The following WWOX variants were observed in gnomAD, a reference collection of about 807,000 sequenced individuals.
The protein encoded by WWOX is WW domain-containing oxidoreductase.
A neutral mutation model predicts 46.2 loss-of-function variants in WWOX; 69 were observed. The ratio of observed to expected loss-of-function variants is 1.49; its 90% CI spans 1.23 to 1.82. WWOX has a LOEUF of 1.82. Ranked by LOEUF, WWOX falls within the 40% of genes most tolerant of loss-of-function variation. The pLI, the probability that WWOX is intolerant of heterozygous loss-of-function variation, is 0.00. For synonymous variants in WWOX, 359 were observed against 202.6 expected, an observed-to-expected ratio of 1.77 and a Z score of -6.56; for missense variants, 919 against 542.6, an observed-to-expected ratio of 1.69 and a Z score of -6.89.
intron 6 of WWOX, among the ~76,000 whole-genome samples, chr16:78,393,163 G>T (rs762663810): frequency 3.9e-5 from 6 of 152,110 alleles, no homozygotes; most frequent in Non-Finnish European, 5.9e-5. Flanking sequence ...GAAGAGCTGG[G>T]ACCCTTTCTA....
At chr16:78,742,807 G>C (rs2049261312) in intron 8 of WWOX, among the ~76,000 whole-genome samples, 1 of 152,276 alleles carries the variant, frequency 6.6e-6, no homozygotes, top group Middle Eastern at 3.4e-3. Context: ...AAACTTTGCG[G>C]GAATTCACTT....
At chr16:78,599,796 T>G (rs2045578043) in intron 8 of WWOX, among the ~76,000 whole-genome samples, 1 of 152,080 alleles carries the variant, frequency 6.6e-6, no homozygotes, top group African/African-American at 2.4e-5. Flanking sequence ...GTCTCTGCAC[T>G]CTGGGTCTTG....
chr16:78,610,900 A>G (rs190436955), intron 8 of WWOX, among the ~76,000 whole-genome samples: 9 of 152,280 alleles, frequency 5.9e-5, no homozygotes, highest in Middle Eastern at 3.4e-3. Context: ...CAGGAAGCCT[A>G]CAATTTCTCA....
intron 8 of WWOX, among the ~76,000 whole-genome samples, chr16:78,995,118 T>C (rs1431716562): frequency 1.3e-5 from 2 of 152,104 alleles, no homozygotes; most frequent in Non-Finnish European, 2.9e-5. Flanking sequence ...ACAGTTTGTC[T>C]TGGCTCTGAT....
intron 8 of WWOX, among the ~76,000 whole-genome samples, chr16:79,031,227 A>G (rs149867441): frequency 0.014 from 2,185 of 152,232 alleles, 25 homozygotes; most frequent in South Asian, 0.05. Flanking sequence ...TGAGTGTCCC[A>G]TCTGGGTTTC....
Position 78,334,568 on chromosome 16 carries a change from C to T in WWOX, c.517-52292C>T, listed in dbSNP as rs112308197. Among the ~76,000 whole-genome samples the T allele has an allele frequency of 4.8e-3, 729 of 152,142 alleles. 4 individuals carry two copies. Among genetic ancestry groups the T allele is most frequent in the Non-Finnish European group, 8.2e-3 (555 of 68,010 alleles). Reference sequence around the variant, plus strand: ...AGCCATCATTCTGTTCAATTATTTTCACATTTGTGTAATCAAGATATTCCC... The same window carrying T: ...AGCCATCATTCTGTTCAATTATTTTTACATTTGTGTAATCAAGATATTCCC... On this transcript the variant is annotated intron_variant, in intron 5 of 8. Coordinates refer to ENST00000566780, the MANE Select transcript of WWOX (RefSeq NM_016373.4).
At chr16:78,372,830 AT>A (rs1234131228) in intron 5 of WWOX, among the ~76,000 whole-genome samples, 1 of 151,968 alleles carries the variant, frequency 6.6e-6, no homozygotes, top group African/African-American at 2.4e-5. Context: ...AAGTTGCTTT[AT>A]TTTTCTAATT....
At chr16:78,611,387 C>T (rs921882340) in intron 8 of WWOX, among the ~76,000 whole-genome samples, 2 of 152,180 alleles carry the variant, frequency 1.3e-5, no homozygotes, top group Admixed American at 6.5e-5. Flanking sequence ...AAGGAGATTA[C>T]TTGGTTTGAA....
chr16:78,616,365 A>G (rs559363775), intron 8 of WWOX, among the ~76,000 whole-genome samples: 1 of 152,278 alleles, frequency 6.6e-6, no homozygotes, highest in Admixed American at 6.5e-5. Flanking sequence ...AGAGGAAGGC[A>G]CTGGCAGATT....
chr16:78,969,178 G>A (rs9925637), intron 8 of WWOX, among the ~76,000 whole-genome samples: 8,629 of 151,918 alleles, frequency 0.057, 274 homozygotes, highest in Non-Finnish European at 0.071. Flanking sequence ...ACTGAATTCA[G>A]TCACAAACCC....
intron 6 of WWOX, among the ~76,000 whole-genome samples, chr16:78,406,552 T>C (rs1299083939): frequency 1.3e-5 from 2 of 150,668 alleles, no homozygotes; most frequent in Non-Finnish European, 3.0e-5. Context: ...GGTTTCACCA[T>C]GTTGGCGAGG....
At chr16:78,811,655 G>A (rs1335048369) in intron 8 of WWOX, among the ~76,000 whole-genome samples, 1 of 152,078 alleles carries the variant, frequency 6.6e-6, no homozygotes, top group Non-Finnish European at 1.5e-5. Flanking sequence ...ACAGGCATGA[G>A]CCATCATGCC....
At chr16:78,138,629 AT>A (rs2033880827) in intron 4 of WWOX, among the ~76,000 whole-genome samples, 1 of 152,178 alleles carries the variant, frequency 6.6e-6, no homozygotes, top group African/African-American at 2.4e-5. Context: ...TAAATTCCTT[AT>A]TTTTCCTTTC....
chr16:78,178,288 T>C (rs1219558318), intron 5 of WWOX, among the ~76,000 whole-genome samples: 1 of 152,192 alleles, frequency 6.6e-6, no homozygotes, highest in Non-Finnish European at 1.5e-5. Context: ...TTTTCCTGTT[T>C]AAGTTGTTGC....
intron 8 of WWOX, among the ~76,000 whole-genome samples, chr16:78,787,716 A>G (rs1356508773): frequency 6.6e-6 from 1 of 152,144 alleles, no homozygotes; most frequent in African/African-American, 2.4e-5. Context: ...TGGCAATTTT[A>G]TATTTAACTT....
chr16:78,387,045 T>A (rs1356057765), intron 6 of WWOX, 97 bp downstream of exon 6: 1 of 1,280,316 alleles, frequency 7.8e-7, no homozygotes, highest in East Asian at 2.3e-5. Flanking sequence ...GCTGTTGTGT[T>A]GTCTTGGCGT....
At chr16:79,095,825 C>T (rs2049056364) in intron 8 of WWOX, among the ~76,000 whole-genome samples, 1 of 151,294 alleles carries the variant, frequency 6.6e-6, no homozygotes, top group Non-Finnish European at 1.5e-5. Context: ...TTGCCCTCGC[C>T]TCCCGCCTGG....
chr16:78,321,372 GTATATA>G (rs71137885), intron 5 of WWOX, among the ~76,000 whole-genome samples: 1 of 43,560 alleles, frequency 2.3e-5, no homozygotes, highest in African/African-American at 1.2e-4. Flanking sequence ...ATATATATAC[GTATATA>G]TGCGTATATA....
chr16:78,919,257 C>T (rs541974852), intron 8 of WWOX, among the ~76,000 whole-genome samples: 2 of 152,012 alleles, frequency 1.3e-5, no homozygotes, highest in Non-Finnish European at 2.9e-5. Context: ...GACACCCCCC[C>T]ACTCTTAGCC....
Sources: gnomAD v4.1 joint callset for allele counts (sites outside exome capture counted in the v4.1 genomes callset) on GRCh38, gnomAD v4.1.1 for gene constraint, MANE v1.5 for transcripts, NCBI Gene and HGNC (gene_info 2026-07-23, HGNC 2026-07-21) for gene names.